Variants in NFE2L2 observed in about 807,000 individuals in gnomAD.
The protein encoded by NFE2L2 is nuclear factor erythroid 2-related factor 2.
NFE2L2 carries 20 observed loss-of-function variants against 49.6 expected under a neutral mutation model. The observed-to-expected ratio is 0.40, with a 90% confidence interval of 0.28 to 0.59. The LOEUF (loss-of-function observed/expected upper bound fraction) is 0.59. NFE2L2 is among the 20% of genes least tolerant of loss of function. The pLI, the probability that NFE2L2 is intolerant of heterozygous loss-of-function variation, is 0.40. For missense variants in NFE2L2, 578 were observed against 714.2 expected, an observed-to-expected ratio of 0.81 and a Z score of 2.17; for synonymous variants, 244 against 256.5, an observed-to-expected ratio of 0.95 and a Z score of 0.47.
In NFE2L2 at chr2:177,231,296, T is replaced by C. The variant is rs756740497; in HGVS notation, c.1307A>G (p.His436Arg). 4 of 1,614,268 alleles carry C rather than the reference T, an allele frequency of 2.5e-6. No homozygotes were observed. Among genetic ancestry groups the C allele is most frequent in the African/African-American group, 1.3e-5 (1 of 75,076 alleles). Residue 436 changes from histidine (H) to arginine (R), a missense_variant, in exon 5 of 5, where the codon CAT becomes CGT. Transcript: ENST00000397062. ...GTCTTTTGTGAATGGGGTTTTCCGA[T>C]GACCAGGACTTACAGGCAATTCTTT... ...PEKELPVSPG[H>R]RKTPFTKDKH...
chr2:177,250,587 T>C (rs952172674), intron 1 of NFE2L2, among the ~76,000 whole-genome samples: 2 of 152,264 alleles, frequency 1.3e-5, no homozygotes, highest in Non-Finnish European at 2.9e-5. Flanking sequence ...GGTAGTAGTA[T>C]GATCATTACC....
intron 1 of NFE2L2, among the ~76,000 whole-genome samples, chr2:177,252,440 TC>T (rs979746718): frequency 1.3e-5 from 2 of 152,210 alleles, no homozygotes; most frequent in African/African-American, 4.8e-5. Context: ...AATTGTTTTT[TC>T]TTGTCTTGGG....
intron 1 of NFE2L2, among the ~76,000 whole-genome samples, chr2:177,241,667 G>A (rs1382142475): frequency 1.3e-5 from 2 of 152,076 alleles, no homozygotes; most frequent in African/African-American, 4.8e-5. Flanking sequence ...AGACCAGCCT[G>A]GGCAACACAG....
At chr2:177,232,719 T>C in intron 3 of NFE2L2, 136 bp from the exon 4 acceptor site, 1 of 788,078 alleles carries the variant, frequency 1.3e-6, no homozygotes, top group South Asian at 2.1e-5. Context: ...ATGACCCCGT[T>C]TGTAAATAAC....
intron 1 of NFE2L2, among the ~76,000 whole-genome samples, chr2:177,238,642 A>G (rs1689838294): frequency 6.6e-6 from 1 of 152,216 alleles, no homozygotes; most frequent in African/African-American, 2.4e-5. Flanking sequence ...AATGGATAAT[A>G]ATGAGGTTGT....
intron 1 of NFE2L2, among the ~76,000 whole-genome samples, chr2:177,239,463 G>T (rs1021754467): frequency 6.6e-5 from 10 of 152,184 alleles, no homozygotes; most frequent in African/African-American, 2.4e-4. Flanking sequence ...GATCGCTTGT[G>T]CTCAGGAGTT....
intron 2 of NFE2L2, 100 bp downstream of exon 2, chr2:177,233,905 A>C (rs1326140067): frequency 7.4e-6 from 11 of 1,485,080 alleles, no homozygotes; most frequent in Middle Eastern, 4.5e-4. Flanking sequence ...GGTTAAGTAA[A>C]AGAAAGGCAA....
At chr2:177,235,784 A>G (rs1689729426) in intron 1 of NFE2L2, among the ~76,000 whole-genome samples, 1 of 152,026 alleles carries the variant, frequency 6.6e-6, no homozygotes, top group South Asian at 2.1e-4. Context: ...CTGTGATTGT[A>G]CCACTGCACT....
intron 1 of NFE2L2, among the ~76,000 whole-genome samples, chr2:177,248,851 A>T (rs1247477945): frequency 6.6e-6 from 1 of 152,148 alleles, no homozygotes; most frequent in Admixed American, 6.5e-5. Context: ...TTTCAGGCAG[A>T]TCATGTCCCC....
intron 1 of NFE2L2, among the ~76,000 whole-genome samples, chr2:177,254,041 A>G (rs932363262): frequency 4.6e-5 from 7 of 152,202 alleles, no homozygotes; most frequent in Admixed American, 2.6e-4. Context: ...ACTTCTTCAA[A>G]AAGTGCCCAG....
chr2:177,261,170 C>CA (rs59040355), intron 1 of NFE2L2, among the ~76,000 whole-genome samples: 3,487 of 120,050 alleles, frequency 0.029, 161 homozygotes, highest in African/African-American at 0.094. Context: ...GACTTCATCT[C>CA]AAAAAAAAAA....
At chr2:177,263,543 T>A in intron 1 of NFE2L2, 2 of 985,516 alleles carry the variant, frequency 2.0e-6, no homozygotes, top group Non-Finnish European at 2.4e-6. Context: ...CCCTTGGCCC[T>A]GGCGCGGCGA....
chr2:177,232,629 G>T lies in NFE2L2; in HGVS notation c.403-46C>A, dbSNP rs763529474. ...ATTTATGAGTCTTCCACCAACAGGG[G>T]ATGAGTAAGCTCTAAGGCACCACTA... On this transcript the variant is annotated intron_variant, in intron 3 of 4. Transcript: ENST00000397062. 3.2e-6 allele frequency: 5 copies of T among 1,587,260 alleles called. No homozygotes were observed. In the Admixed American group the frequency reaches 8.4e-5, roughly 27 times the overall value.
rs143406266 is a variant in NFE2L2, at chr2:177,264,662, T to TGGCGGC, written c.-92_-87dup. The TGGCGGC allele has an allele frequency of 3.2e-5, 38 of 1,176,840 alleles. No homozygotes were observed. The highest frequency in any genetic ancestry group is 1.5e-4 in the South Asian group (5 of 34,252). The allele number at this position is 1,176,840 out of a possible 1,614,324, so 72.9% of individuals were successfully genotyped here. A position where few individuals can be genotyped will look rare whatever the true frequency, so the allele number is the denominator to read the frequency against. On this transcript the variant is annotated 5_prime_UTR_variant, in exon 1 of 5. Coordinates refer to ENST00000397062, the MANE Select transcript of NFE2L2 (RefSeq NM_006164.5). ...CGCGGCGCGGACAGGGCGGCTCTGG[T>TGGCGGC]GGCGGCGGCGGCGGCGGTGGCGGCT...
intron 1 of NFE2L2, among the ~76,000 whole-genome samples, chr2:177,262,078 C>G (rs915308241): frequency 1.3e-5 from 2 of 152,080 alleles, no homozygotes; most frequent in African/African-American, 4.8e-5. Context: ...TCAAAATGGC[C>G]CAAGTTATTT....
chr2:177,264,413 C>T, intron 1 of NFE2L2, 119 bp downstream of exon 1: 1 of 1,109,764 alleles, frequency 9.0e-7, no homozygotes, highest in South Asian at 1.6e-5. Flanking sequence ...GCGCCGCGGT[C>T]CTGGCTCTGG....
intron 3 of NFE2L2, 139 bp from the exon 4 acceptor site, chr2:177,232,722 T>G: frequency 1.3e-6 from 1 of 773,356 alleles, no homozygotes; most frequent in Non-Finnish European, 2.0e-6. Context: ...ACCCCGTTTG[T>G]AAATAACAAA....
At position 177,264,692 on chromosome 2, in the gene NFE2L2, C is replaced by CCGCGGT; in HGVS notation, c.-117_-116insACCGCG. The CCGCGGT allele has an allele frequency of 1.0e-6, 1 of 974,070 alleles. No individual in the cohort carries two copies. The highest frequency in any genetic ancestry group is 1.4e-6 in the Non-Finnish European group (1 of 732,970). The allele number at this position is 974,070 out of a possible 1,614,324, so 60.3% of individuals were successfully genotyped here. A position where few individuals can be genotyped will look rare whatever the true frequency, so the allele number is the denominator to read the frequency against. ...GCGGCGGCGGCGGTGGCGGCTGCGT[C>CCGCGGT]GGCGGCTCCTCCGGGCTCCCCGGCA... On this transcript the variant is annotated 5_prime_UTR_variant, in exon 1 of 5. Coordinates refer to ENST00000397062, the MANE Select transcript of NFE2L2 (RefSeq NM_006164.5).
intron 1 of NFE2L2, among the ~76,000 whole-genome samples, chr2:177,242,560 T>C (rs1689976087): frequency 6.6e-6 from 1 of 152,238 alleles, no homozygotes; most frequent in Non-Finnish European, 1.5e-5. Context: ...TCTGGCAGGT[T>C]ACTATGTGCA....
Sources: allele counts gnomAD v4.1 joint callset (sites outside exome capture counted in the v4.1 genomes callset), GRCh38; gene constraint gnomAD v4.1.1; transcripts MANE v1.5; gene names NCBI Gene and HGNC (gene_info 2026-07-23, HGNC 2026-07-21).